RGS7BP: variants seen among roughly 807,000 people sequenced by gnomAD.
RGS7BP encodes the protein regulator of G protein signaling 7-binding protein.
In RGS7BP, 9 loss-of-function variants were observed where a neutral mutation model predicts 31.3. That is an observed-to-expected ratio of 0.29 (90% CI 0.17 to 0.50). RGS7BP has a LOEUF of 0.50. Ranked by LOEUF, RGS7BP falls within the 20% of genes least tolerant of loss-of-function variation. The pLI, the probability that RGS7BP is intolerant of heterozygous loss-of-function variation, is 0.98. For missense variants in RGS7BP, 274 were observed against 322.0 expected, an observed-to-expected ratio of 0.85 and a Z score of 1.14; for synonymous variants, 115 against 120.1, an observed-to-expected ratio of 0.96 and a Z score of 0.28.
chr5:64,551,849 C>T (rs58440706), intron 2 of RGS7BP, among the ~76,000 whole-genome samples: 3,352 of 152,116 alleles, frequency 0.022, 92 homozygotes, highest in African/African-American at 0.074. Flanking sequence ...TTTAAGATCA[C>T]TTTTCAATTG....
At chr5:64,510,786 T>C (rs773688393) in intron 2 of RGS7BP, among the ~76,000 whole-genome samples, 2 of 152,250 alleles carry the variant, frequency 1.3e-5, no homozygotes, top group African/African-American at 4.8e-5. Context: ...TTTCTACATA[T>C]GTAGCTTTTA....
chr5:64,507,071 GAC>G (rs1399195091), intron 1 of RGS7BP, among the ~76,000 whole-genome samples: 2 of 152,206 alleles, frequency 1.3e-5, no homozygotes, highest in African/African-American at 4.8e-5. Context: ...GGATGCGAAA[GAC>G]ACAGTGAACT....
At chr5:64,525,471 A>G (rs754535633) in intron 2 of RGS7BP, among the ~76,000 whole-genome samples, 24 of 152,222 alleles carry the variant, frequency 1.6e-4, no homozygotes, top group Non-Finnish European at 2.9e-4. Context: ...AAGAGGCACA[A>G]TTACCCTTTA....
intron 2 of RGS7BP, among the ~76,000 whole-genome samples, chr5:64,553,696 T>C (rs1741851254): frequency 6.6e-6 from 1 of 152,072 alleles, no homozygotes; most frequent in African/African-American, 2.4e-5. Flanking sequence ...CTTTAAAATA[T>C]TAATAATATC....
intron 2 of RGS7BP, among the ~76,000 whole-genome samples, chr5:64,565,620 C>A (rs1742150753): frequency 6.6e-6 from 1 of 152,098 alleles, no homozygotes; most frequent in South Asian, 2.1e-4. Flanking sequence ...AGCCTTCCAA[C>A]TTCTCACACC....
chr5:64,566,836 G>A (rs1742181402), intron 2 of RGS7BP, among the ~76,000 whole-genome samples: 1 of 152,046 alleles, frequency 6.6e-6, no homozygotes, highest in Non-Finnish European at 1.5e-5. Context: ...CTGCTTCAGA[G>A]CCTTTCAAGT....
intron 5 of RGS7BP, among the ~76,000 whole-genome samples, chr5:64,606,717 C>G (rs901182758): frequency 2.0e-5 from 3 of 152,030 alleles, no homozygotes; most frequent in Non-Finnish European, 4.4e-5. Context: ...CTTTCTGCTC[C>G]AAATATTTCA....
At chr5:64,573,971 G>A (rs1422383139) in intron 2 of RGS7BP, among the ~76,000 whole-genome samples, 1 of 151,994 alleles carries the variant, frequency 6.6e-6, no homozygotes, top group African/African-American at 2.4e-5. Context: ...CTGCCTATGA[G>A]CCACCAGGGC....
chr5:64,536,508 C>A, intron 2 of RGS7BP, among the ~76,000 whole-genome samples: 1 of 152,168 alleles, frequency 6.6e-6, no homozygotes, highest in South Asian at 2.1e-4. Flanking sequence ...AAATCTTCAT[C>A]CTATTTACAT....
At position 64,578,481 on chromosome 5, in the gene RGS7BP, A is replaced by T. The variant is rs371598804; in HGVS notation, c.463+2577A>T. On this transcript the variant is annotated intron_variant, in intron 3 of 5. Coordinates refer to ENST00000334025, the MANE Select transcript of RGS7BP (RefSeq NM_001029875.3). ...TGGATCCTATCCAAGGACCTACTGA[A>T]TTCAAATCTCTGAGGGCACTCCAGG... Among the ~76,000 whole-genome samples, 158 of 152,308 alleles carry T rather than the reference A, an allele frequency of 1.0e-3. 1 individual carries two copies. Among genetic ancestry groups the T allele is most frequent in the Admixed American group, 3.8e-3 (58 of 15,294 alleles).
intron 2 of RGS7BP, among the ~76,000 whole-genome samples, chr5:64,565,170 C>G (rs1479047113): frequency 6.6e-6 from 1 of 152,102 alleles, no homozygotes; most frequent in Admixed American, 6.6e-5. Context: ...ACAACACTAT[C>G]AGCTAGGCAC....
chr5:64,578,208 T>C (rs938202143), intron 3 of RGS7BP, among the ~76,000 whole-genome samples: 4 of 152,254 alleles, frequency 2.6e-5, no homozygotes, highest in Non-Finnish European at 5.9e-5. Flanking sequence ...TGTCAGTTTC[T>C]GCTCTGCTTC....
intron 2 of RGS7BP, among the ~76,000 whole-genome samples, chr5:64,529,814 C>G (rs1018792814): frequency 5.9e-5 from 9 of 152,210 alleles, no homozygotes; most frequent in African/African-American, 9.6e-5. Flanking sequence ...TGTCATCTCC[C>G]ATTCTCTGTA....
At chr5:64,573,524 TTTTTAAAAGGTTTTAAAGG>T (rs1438671428) in intron 2 of RGS7BP, 1 of 149,924 alleles carries the variant, frequency 6.7e-6, no homozygotes, top group Non-Finnish European at 1.5e-5. Context: ...ATACAACAGA[TTTTTAAAAGGTTTTAAAGG>T]TTTTAAAAAA....
intron 2 of RGS7BP, among the ~76,000 whole-genome samples, chr5:64,559,166 C>A (rs1741993703): frequency 6.6e-6 from 1 of 152,132 alleles, no homozygotes; most frequent in Non-Finnish European, 1.5e-5. Flanking sequence ...AAACTTGCTA[C>A]TTTTACAACT....
intron 2 of RGS7BP, among the ~76,000 whole-genome samples, chr5:64,534,318 T>G (rs272635): frequency 0.69 from 105,567 of 151,992 alleles, 37,482 homozygotes; most frequent in East Asian, 0.95. Flanking sequence ...AACCAGCCTG[T>G]CAGGGCCTCG....
At chr5:64,558,586 A>C (rs13357292) in intron 2 of RGS7BP, among the ~76,000 whole-genome samples, 8,668 of 152,152 alleles carry the variant, frequency 0.057, 629 homozygotes, top group African/African-American at 0.17. Context: ...TGTGTTTTTG[A>C]ACAATATGAA....
intron 2 of RGS7BP, among the ~76,000 whole-genome samples, chr5:64,556,617 T>C (rs1399940772): frequency 2.6e-5 from 4 of 152,154 alleles, no homozygotes; most frequent in Non-Finnish European, 5.9e-5. Context: ...GCCATAATAC[T>C]GTTTTCTCAT....
chr5:64,575,778 G>C lies in RGS7BP; in HGVS notation c.337G>C (p.Glu113Gln), dbSNP rs1187807857. Residue 113 changes from glutamate to glutamine, a missense_variant, in exon 3 of 6, where the codon GAA becomes CAA. Coordinates refer to ENST00000334025, the MANE Select transcript of RGS7BP (RefSeq NM_001029875.3). Reference sequence around the variant, plus strand: ...TTCTCTTTCATTCTGTTGCAGCCCGGAAGATGGTGAGATCCATCCAGAAAT... The same window carrying C: ...TTCTCTTTCATTCTGTTGCAGCCCGCAAGATGGTGAGATCCATCCAGAAAT... ...HQKLAAISGPEDGEIHPEICR... is the reference protein window; with the variant it reads ...HQKLAAISGPQDGEIHPEICR... 6.2e-7 allele frequency: 1 copy of C among 1,607,922 alleles called. No homozygotes were observed.
Sources: gnomAD v4.1 joint callset for allele counts (sites outside exome capture counted in the v4.1 genomes callset) on GRCh38, gnomAD v4.1.1 for gene constraint, MANE v1.5 for transcripts, NCBI Gene and HGNC (gene_info 2026-07-23, HGNC 2026-07-21) for gene names.